Variants in CSMD1 observed in about 807,000 individuals in gnomAD.
CSMD1 encodes the protein CUB and sushi domain-containing protein 1.
Under a neutral mutation model 417.5 loss-of-function variants are expected in CSMD1, and 213 were observed. The observed-to-expected ratio is 0.51, with a 90% confidence interval of 0.46 to 0.57. The LOEUF is 0.57. Among genes scored for constraint, CSMD1 ranks in the 20% least tolerant of loss-of-function variants. The pLI is 0.00. For synonymous variants in CSMD1, 2,862 were observed against 1,736.8 expected, an observed-to-expected ratio of 1.65 and a Z score of -16.11; for missense variants, 6,923 against 4,529.7, an observed-to-expected ratio of 1.53 and a Z score of -15.17.
intron 5 of CSMD1, among the ~76,000 whole-genome samples, chr8:3,862,746 A>T (rs985619282): frequency 1.3e-5 from 2 of 152,144 alleles, no homozygotes; most frequent in Admixed American, 1.3e-4. Context: ...AGAAATGATT[A>T]TGTTTGTTTT....
At chr8:4,921,275 T>G (rs1806483053) in intron 1 of CSMD1, among the ~76,000 whole-genome samples, 1 of 152,160 alleles carries the variant, frequency 6.6e-6, no homozygotes, top group South Asian at 2.1e-4. Context: ...TCAGCCAATC[T>G]GAGTGGGGGT....
chr8:3,188,814 C>T (rs890592253), intron 35 of CSMD1, 73 bp downstream of exon 35: 2 of 1,295,118 alleles, frequency 1.5e-6, no homozygotes, highest in Admixed American at 3.3e-5. Flanking sequence ...AAACATAGAA[C>T]AAAAGAATGA....
At chr8:4,719,849 G>A (rs1270547536) in intron 1 of CSMD1, among the ~76,000 whole-genome samples, 1 of 152,048 alleles carries the variant, frequency 6.6e-6, no homozygotes, top group Non-Finnish European at 1.5e-5. Context: ...CATTAAAGTA[G>A]TATAAAATAT....
At chr8:3,055,608 C>A (rs937806114) in intron 49 of CSMD1, among the ~76,000 whole-genome samples, 19 of 152,118 alleles carry the variant, frequency 1.2e-4, no homozygotes, top group Non-Finnish European at 2.2e-4. Context: ...TTTAAAAATG[C>A]GAATTAGCAT....
chr8:3,307,582 T>G (rs1394698385), intron 25 of CSMD1, 113 bp downstream of exon 25: 1 of 1,238,292 alleles, frequency 8.1e-7, no homozygotes, highest in East Asian at 2.4e-5. Context: ...TTACCTTTTC[T>G]TCTTTAGTTC....
At chr8:4,124,083 C>A (rs1210837873) in intron 3 of CSMD1, among the ~76,000 whole-genome samples, 2 of 150,890 alleles carry the variant, frequency 1.3e-5, no homozygotes, top group African/African-American at 2.4e-5. Flanking sequence ...ACGCACAGAA[C>A]AACGAAGAAA....
chr8:3,609,390 C>A (rs945821760), intron 8 of CSMD1, among the ~76,000 whole-genome samples: 1 of 152,114 alleles, frequency 6.6e-6, no homozygotes, highest in Non-Finnish European at 1.5e-5. Flanking sequence ...AGACAGTGGT[C>A]TATGGTGAAA....
At chr8:3,615,041 CAA>C (rs886405417) in intron 8 of CSMD1, among the ~76,000 whole-genome samples, 1 of 152,156 alleles carries the variant, frequency 6.6e-6, no homozygotes, top group Non-Finnish European at 1.5e-5. Flanking sequence ...GCTTTGTTTT[CAA>C]AAGAGATAAA....
At chr8:3,446,449 C>G (rs1017073815) in intron 12 of CSMD1, among the ~76,000 whole-genome samples, 1 of 152,200 alleles carries the variant, frequency 6.6e-6, no homozygotes, top group African/African-American at 2.4e-5. Flanking sequence ...GTTATGATTC[C>G]TACTTTGTAG....
At chr8:3,302,406 C>G (rs1804487423) in intron 25 of CSMD1, among the ~76,000 whole-genome samples, 1 of 152,150 alleles carries the variant, frequency 6.6e-6, no homozygotes. Flanking sequence ...TATCTAAGGT[C>G]TCTCCGCACA....
At chr8:4,260,774 A>T (rs2128840822) in intron 3 of CSMD1, among the ~76,000 whole-genome samples, 1 of 152,328 alleles carries the variant, frequency 6.6e-6, no homozygotes, top group Admixed American at 6.5e-5. Flanking sequence ...TATATAGGAC[A>T]TACAACTTGA....
At chr8:4,640,587 G>C (rs4875373) in intron 1 of CSMD1, among the ~76,000 whole-genome samples, 1 of 152,046 alleles carries the variant, frequency 6.6e-6, no homozygotes, top group Non-Finnish European at 1.5e-5. Context: ...TGTTTTCTTT[G>C]TAAACGATGT....
chr8:3,382,091 C>T (rs12677588), intron 18 of CSMD1, among the ~76,000 whole-genome samples: 14,381 of 151,980 alleles, frequency 0.095, 933 homozygotes, highest in East Asian at 0.27. Flanking sequence ...AACCCTGTCT[C>T]TACTAAAAAA....
chr8:4,251,817 A>G (rs990008341), intron 3 of CSMD1, among the ~76,000 whole-genome samples: 2 of 142,430 alleles, frequency 1.4e-5, no homozygotes, highest in African/African-American at 5.1e-5. Flanking sequence ...GGACAGATGG[A>G]GGAGGAGAGA....
At chr8:4,477,614 A>G (rs1800874479) in intron 2 of CSMD1, among the ~76,000 whole-genome samples, 1 of 152,214 alleles carries the variant, frequency 6.6e-6, no homozygotes, top group Non-Finnish European at 1.5e-5. Context: ...TGACTTCTGC[A>G]CAGAGAAAGG....
At chr8:4,019,179 G>T (rs1035027331) in intron 4 of CSMD1, among the ~76,000 whole-genome samples, 2 of 152,176 alleles carry the variant, frequency 1.3e-5, no homozygotes, top group African/African-American at 4.8e-5. Flanking sequence ...CAGCTCAACA[G>T]TCCAAGACAG....
intron 5 of CSMD1, among the ~76,000 whole-genome samples, chr8:3,888,474 G>T (rs1035570396): frequency 1.3e-5 from 2 of 152,180 alleles, no homozygotes; most frequent in Non-Finnish European, 2.9e-5. Flanking sequence ...CGCCATTTAG[G>T]AGATGATTAT....
At chr8:4,508,104 C>CCAAAAAAAAAAAAAAAAA (rs1563242307) in intron 2 of CSMD1, among the ~76,000 whole-genome samples, 28 of 138,836 alleles carry the variant, frequency 2.0e-4, no homozygotes, top group African/African-American at 2.7e-4. Context: ...AAAAAAAAAA[C>CCAAAAAAAAAAAAAAAAA]CCCAAAAAAC....
intron 12 of CSMD1, among the ~76,000 whole-genome samples, chr8:3,410,361 G>C (rs956947037): frequency 7.2e-5 from 11 of 152,222 alleles, no homozygotes; most frequent in Non-Finnish European, 1.3e-4. Flanking sequence ...CATGGGGCTG[G>C]ATATGATTTG....
Sources: allele counts gnomAD v4.1 joint callset (sites outside exome capture counted in the v4.1 genomes callset), GRCh38; gene constraint gnomAD v4.1.1; transcripts MANE v1.5; gene names NCBI Gene and HGNC (gene_info 2026-07-23, HGNC 2026-07-21).